The following KLK6 variants were observed in gnomAD, a reference collection of about 807,000 sequenced individuals.
The protein encoded by KLK6 is kallikrein-6.
Under a neutral mutation model 21.7 loss-of-function variants are expected in KLK6, and 16 were observed. That is an observed-to-expected ratio of 0.74 (90% CI 0.50 to 1.12). The LOEUF is 1.12. Among genes scored for constraint, KLK6 ranks in the 50% most tolerant of loss-of-function variants. The pLI is 0.00. For missense variants in KLK6, 276 were observed against 304.6 expected, an observed-to-expected ratio of 0.91 and a Z score of 0.70; for synonymous variants, 116 against 120.1, an observed-to-expected ratio of 0.97 and a Z score of 0.22.
chr19:50,959,784 A>AAAG (rs2090786910), intron 6 of KLK6, among the ~76,000 whole-genome samples: 1 of 6,774 alleles, frequency 1.5e-4, no homozygotes, highest in Non-Finnish European at 2.5e-4. Context: ...AGGAGGAGGA[A>AAAG]GAGGAGGAGG....
intron 1 of KLK6, among the ~76,000 whole-genome samples, 158 bp downstream of exon 1, chr19:50,969,332 G>A (rs1030171631): frequency 6.6e-6 from 1 of 151,996 alleles, no homozygotes; most frequent in Non-Finnish European, 1.5e-5. Flanking sequence ...GACAAATTCC[G>A]GCCTCTGGGG....
At chr19:50,967,374 C>G in intron 3 of KLK6, 49 bp from the exon 4 acceptor site, 1 of 1,529,170 alleles carries the variant, frequency 6.5e-7, no homozygotes, top group South Asian at 1.3e-5. Flanking sequence ...AGAAACCAAG[C>G]GCATCCCCCT....
At position 50,959,079 on chromosome 19, in the gene KLK6, G is replaced by T; in HGVS notation, c.*85C>A. On this transcript the variant is annotated 3_prime_UTR_variant, in exon 7 of 7. Coordinates refer to ENST00000310157, the MANE Select transcript of KLK6 (RefSeq NM_002774.4). ...ATCAGGGTCAGAGCTGGGCAGGAGA[G>T]GAGGGGAGGCAAGGTCTAGGTGAGA... is the stretch of plus-strand genomic sequence containing the variant. The T allele has an allele frequency of 1.4e-6, 2 of 1,453,038 alleles. No individual in the cohort carries two copies. Among genetic ancestry groups the T allele is most frequent in the Non-Finnish European group, 1.9e-6 (2 of 1,040,236 alleles). The allele number at this position is 1,453,038 out of a possible 1,614,324, so 90.0% of individuals were successfully genotyped here.
rs1345053452 is a variant in KLK6, at chr19:50,963,403, G to T, written c.344C>A (p.Pro115Gln). 7 of 1,614,240 alleles carry T rather than the reference G, an allele frequency of 4.3e-6. No homozygotes were observed. The Admixed American group carries it at 1.2e-4, about 27-fold the overall frequency. ...QDIMLLRLAR[P>Q]AKLSELIQPL... ...CTGGATGAGTTCAGAGAGTTTGGCTGGGCGTGCCAGGCGCAACAGCATGAT... is the reference window on the plus strand; with the variant it reads ...CTGGATGAGTTCAGAGAGTTTGGCTTGGCGTGCCAGGCGCAACAGCATGAT... Residue 115 changes from proline (P) to glutamine (Q), a missense_variant, in exon 5 of 7, where the codon CCA (proline) becomes CAA (glutamine). Pro to Gln is a moderately conservative substitution (Grantham distance 76). Transcript: ENST00000310157.
intron 6 of KLK6, among the ~76,000 whole-genome samples, 193 bp downstream of exon 6, chr19:50,961,551 A>G (rs1301667988): frequency 6.6e-6 from 1 of 152,004 alleles, no homozygotes; most frequent in Non-Finnish European, 1.5e-5. Flanking sequence ...ATATCTCTGC[A>G]TATCCCTGAC....
intron 6 of KLK6, among the ~76,000 whole-genome samples, chr19:50,959,881 G>A (rs1235153118): frequency 1.9e-5 from 1 of 53,110 alleles, no homozygotes; most frequent in Non-Finnish European, 3.6e-5. Flanking sequence ...GGAGGAAGAG[G>A]AGGAGGAGGA....
intron 4 of KLK6, 27 bp from the exon 5 acceptor site, chr19:50,963,576 C>A (rs1419973315): frequency 1.2e-6 from 2 of 1,610,482 alleles, no homozygotes; most frequent in Non-Finnish European, 1.7e-6. Context: ...CTGGGTCTCA[C>A]CTGGAGCCCT....
At chr19:50,962,909 T>G in intron 5 of KLK6, 1 of 215,618 alleles carries the variant, frequency 4.6e-6, no homozygotes, top group Admixed American at 5.1e-5. Flanking sequence ...CTTTTGTGCT[T>G]TATTGGTTTC....
At position 50,969,108 on chromosome 19, in the gene KLK6, C is replaced by T. The variant is rs368877618; in HGVS notation, c.-60+382G>A. On this transcript the variant is annotated intron_variant, in intron 1 of 6. Transcript: ENST00000310157. ...CTGAGGGAGGAGGTGAGAACTTGGA[C>T]TCCTGGGTCTGAGGGAGGAGGGGCT... 9.1e-5 allele frequency: 14 copies of T among 153,420 alleles called. No homozygotes were observed. In the East Asian group the frequency reaches 1.9e-3, roughly 21 times the overall value. The allele number at this position is 153,420 out of a possible 1,614,324, so 9.5% of individuals were successfully genotyped here.
Position 50,958,635 on chromosome 19 carries a change from A to G in KLK6, c.*529T>C, listed in dbSNP as rs1477485747. 1 of 153,048 alleles carries G rather than the reference A, an allele frequency of 6.5e-6. No homozygotes were observed. Among genetic ancestry groups the G allele is most frequent in the East Asian group, 1.9e-4 (1 of 5,196 alleles). 9.5% of individuals were successfully genotyped at this position (153,048 alleles called of 1,614,324 possible). A position where few individuals can be genotyped will look rare whatever the true frequency, so the allele number is the denominator to read the frequency against. ...AATCAAAGCAAAAAGCCCCACTCAT[A>G]ATAAAATTCATTCTTTATTGAGTGC... On this transcript the variant is annotated 3_prime_UTR_variant, in exon 7 of 7. Coordinates refer to ENST00000310157, the MANE Select transcript of KLK6 (RefSeq NM_002774.4).
At chr19:50,959,394 TG>T in intron 6 of KLK6, 78 bp from the exon 7 acceptor site, 7 of 1,162,138 alleles carry the variant, frequency 6.0e-6, no homozygotes, top group South Asian at 1.5e-5. Flanking sequence ...TGTGTGTGTG[TG>T]TGTGTGTGTG....
rs767758302 is a variant in KLK6 at position 50,963,384 on chromosome 19, G to A, written c.363C>T (p.Leu121=). ...RLARPAKLSE[L]IQPLPLERDC... ...CCCTCTCCAGGGGAAGGGGCTGGAT[G>A]AGTTCAGAGAGTTTGGCTGGGCGTG... Residue 121 remains leucine (L), a synonymous_variant, in exon 5 of 7, where the codon CTC becomes CTT. Coordinates refer to ENST00000310157, the MANE Select transcript of KLK6 (RefSeq NM_002774.4). 150 of 1,614,110 alleles carry A rather than the reference G, an allele frequency of 9.3e-5. No individual in the cohort carries two copies. The highest frequency in any genetic ancestry group is 1.3e-4 in the Non-Finnish European group (148 of 1,180,050).
At chr19:50,969,204 TA>T (rs2090975854) in intron 1 of KLK6, among the ~76,000 whole-genome samples, 14 of 126,812 alleles carry the variant, frequency 1.1e-4, no homozygotes, top group African/African-American at 4.0e-4. Context: ...GAGGAGGGGC[TA>T]GGACCTAAAC....
chr19:50,966,613 C>T (rs1188656682), intron 4 of KLK6, among the ~76,000 whole-genome samples: 3 of 152,182 alleles, frequency 2.0e-5, no homozygotes, highest in African/African-American at 4.8e-5. Context: ...CCAGCCTGGC[C>T]AACATGGTGA....
At chr19:50,967,075 A>G (rs944697638) in intron 4 of KLK6, 94 bp downstream of exon 4, 50 of 1,398,668 alleles carry the variant, frequency 3.6e-5, no homozygotes, top group Non-Finnish European at 4.8e-5. Context: ...TCGTGCTGGG[A>G]TGGGGGGGAT....
At position 50,963,437 on chromosome 19, in the gene KLK6, C is replaced by T; in HGVS notation, c.310G>A (p.Asp104Asn). Reference protein sequence around the residue: ...IHPDYDAASHDQDIMLLRLAR... With the variant: ...IHPDYDAASHNQDIMLLRLAR... ...AGGCGCAACAGCATGATGTCCTGGT[C>T]ATGGCTGGCGGCATCATAGTCAGGG... is the stretch of plus-strand genomic sequence containing the variant. Residue 104 changes from aspartate to asparagine, a missense_variant, in exon 5 of 7, where the codon GAC becomes AAC. Coordinates refer to ENST00000310157, the MANE Select transcript of KLK6 (RefSeq NM_002774.4). The T allele has an allele frequency of 6.2e-7, 1 of 1,614,188 alleles. No individual in the cohort carries two copies. The highest frequency in any genetic ancestry group is 8.5e-7 in the Non-Finnish European group (1 of 1,180,040).
Position 50,965,841 on chromosome 19 carries a change from C to A in KLK6, c.197+1328G>T, listed in dbSNP as rs117316905. Among the ~76,000 whole-genome samples, 146 of 152,270 alleles carry A rather than the reference C, an allele frequency of 9.6e-4. 9 individuals are homozygous for A. The East Asian group carries it at 0.026, about 27-fold the overall frequency. ...TCATTTGCAAAATGGTGCCAAGAGTCCCTTGTGGTGGGCATTCCAGGAAAG... is the reference window on the plus strand; with the variant it reads ...TCATTTGCAAAATGGTGCCAAGAGTACCTTGTGGTGGGCATTCCAGGAAAG... On this transcript the variant is annotated intron_variant, in intron 4 of 6. Transcript: ENST00000310157.
At chr19:50,960,832 C>G (rs1314481795) in intron 6 of KLK6, among the ~76,000 whole-genome samples, 1 of 152,050 alleles carries the variant, frequency 6.6e-6, no homozygotes, top group Non-Finnish European at 1.5e-5. Context: ...AGCATGATCT[C>G]GACTCACTGC....
At chr19:50,967,644 C>T (rs1159417041) in intron 3 of KLK6, among the ~76,000 whole-genome samples, 1 of 150,932 alleles carries the variant, frequency 6.6e-6, no homozygotes, top group Non-Finnish European at 1.5e-5. Flanking sequence ...TTCAAGTCTG[C>T]AGTGAACTAT....
Sources: gnomAD v4.1 joint callset for allele counts (sites outside exome capture counted in the v4.1 genomes callset) on GRCh38, gnomAD v4.1.1 for gene constraint, MANE v1.5 for transcripts, NCBI Gene and HGNC (gene_info 2026-07-23, HGNC 2026-07-21) for gene names.